ALDH1L2: variants seen among roughly 807,000 people sequenced by gnomAD.
ALDH1L2 encodes the protein aldehyde dehydrogenase 1 family member L2, also known as mitochondrial 10-formyltetrahydrofolate dehydrogenase.
Under a neutral mutation model 111.0 loss-of-function variants are expected in ALDH1L2, and 91 were observed. That is an observed-to-expected ratio of 0.82 (90% CI 0.69 to 0.98). ALDH1L2 has a LOEUF of 0.98. Among genes scored for constraint, ALDH1L2 ranks in the 50% least tolerant of loss-of-function variants. ALDH1L2 has a pLI of 0.00. For missense variants in ALDH1L2, 995 were observed against 1,126.8 expected (o/e 0.88, Z 1.67); for synonymous variants, 374 against 392.6 (o/e 0.95, Z 0.56).
In ALDH1L2 at chr12:105,025,806, T is replaced by C. The variant is rs531877515; in HGVS notation, c.2716+739A>G. On this transcript the variant is annotated intron_variant, in intron 22 of 22. Coordinates refer to ENST00000258494, the MANE Select transcript of ALDH1L2 (RefSeq NM_001034173.4). ...AGCCAGACCGCCTGCCTTTGAATTC[T>C]CTCTTGCCAGTGCCTGGCTCTGTGA... Among the ~76,000 whole-genome samples, 3 of 152,350 alleles carry C rather than the reference T, an allele frequency of 2.0e-5. No homozygotes were observed. The South Asian group carries it at 6.2e-4, about 32-fold the overall frequency.
At chr12:105,056,232 A>G (rs10861333) in intron 10 of ALDH1L2, among the ~76,000 whole-genome samples, 59,646 of 151,890 alleles carry the variant, frequency 0.39, 12,929 homozygotes, top group Middle Eastern at 0.61. Context: ...AGAAACCATG[A>G]AGGCCAGAAG....
At chr12:105,077,058 GAAA>G (rs1878087179) in intron 1 of ALDH1L2, among the ~76,000 whole-genome samples, 1 of 152,110 alleles carries the variant, frequency 6.6e-6, no homozygotes, top group Admixed American at 6.5e-5. Flanking sequence ...TTTAGAAAAA[GAAA>G]AACATAGCAA....
In ALDH1L2 at chr12:105,034,721, C is replaced by T. The variant is rs185516985; in HGVS notation, c.2146-323G>A. On this transcript the variant is annotated intron_variant, in intron 18 of 22. Transcript: ENST00000258494. Reference sequence around the variant, plus strand: ...AAAATCTAGGCTGGGCGTGGTGGCTCACGCTTGTAATCCCAGAACTTTGGG... The same window carrying T: ...AAAATCTAGGCTGGGCGTGGTGGCTTACGCTTGTAATCCCAGAACTTTGGG... Among the ~76,000 whole-genome samples, 519 of 152,208 alleles carry T rather than the reference C, an allele frequency of 3.4e-3. 6 individuals are homozygous for T. Among genetic ancestry groups the T allele is most frequent in the African/African-American group, 0.012 (500 of 41,522 alleles).
intron 12 of ALDH1L2, among the ~76,000 whole-genome samples, chr12:105,050,864 A>C (rs912321168): frequency 6.6e-6 from 1 of 152,046 alleles, no homozygotes; most frequent in African/African-American, 2.4e-5. Context: ...TGATTCAGTG[A>C]CCTCCCACTG....
chr12:105,034,161 A>G (rs929361827), intron 19 of ALDH1L2, 139 bp downstream of exon 19: 1 of 754,420 alleles, frequency 1.3e-6, no homozygotes, highest in African/African-American at 1.8e-5. Flanking sequence ...CTATAAAAAA[A>G]CTAGGGACTG....
rs759035633 is a variant in ALDH1L2, at chr12:105,058,057, T to C, written c.1287+16A>G. On this transcript the variant is annotated intron_variant, in intron 10 of 22. Coordinates refer to ENST00000258494, the MANE Select transcript of ALDH1L2 (RefSeq NM_001034173.4). ...ATCTCACTGATTTAGGGTTGCAACA[T>C]CAAGGAAAAGCTTACATAATCTACA... The C allele has an allele frequency of 1.9e-6, 3 of 1,607,692 alleles. No homozygotes were observed. The highest frequency in any genetic ancestry group is 2.5e-6 in the Non-Finnish European group (3 of 1,177,694).
chr12:105,061,544 T>G (rs555867122), intron 8 of ALDH1L2, 83 bp downstream of exon 8: 1 of 1,555,908 alleles, frequency 6.4e-7, no homozygotes, highest in African/African-American at 1.4e-5. Flanking sequence ...CTGATCCCAC[T>G]ACTTTGAGGA....
At chr12:105,024,620 G>T (rs1445053919) in intron 22 of ALDH1L2, 141 bp from the exon 23 acceptor site, 10 of 786,994 alleles carry the variant, frequency 1.3e-5, no homozygotes, top group African/African-American at 1.2e-4. Flanking sequence ...CTCACACTTT[G>T]AAGTTCATAC....
At chr12:105,072,453 C>T (rs1003391195) in intron 2 of ALDH1L2, 2 of 151,988 alleles carry the variant, frequency 1.3e-5, no homozygotes, top group Non-Finnish European at 2.9e-5. Context: ...CCAGCCATCA[C>T]GATTAGCCCC....
In ALDH1L2 at chr12:105,030,310, T is replaced by G. The variant is rs749151900; in HGVS notation, c.2516+14A>C. 5.0e-6 allele frequency: 8 copies of G among 1,602,982 alleles called. No homozygotes were observed. Among genetic ancestry groups the G allele is most frequent in the Non-Finnish European group, 8.5e-7 (1 of 1,174,064 alleles). ...TAGTCAAAACCTAAGTTACATTGTG[T>G]CTGAAGAACCTACCCATTTTGGAAT... On this transcript the variant is annotated intron_variant, in intron 21 of 22. Transcript: ENST00000258494.
intron 1 of ALDH1L2, among the ~76,000 whole-genome samples, chr12:105,078,002 C>T (rs1197420584): frequency 6.6e-6 from 1 of 152,166 alleles, no homozygotes; most frequent in Non-Finnish European, 1.5e-5. Context: ...CAGAGTGCCC[C>T]AAACTGTGCC....
chr12:105,075,419 T>C (rs1236490045), intron 1 of ALDH1L2, among the ~76,000 whole-genome samples: 1 of 152,162 alleles, frequency 6.6e-6, no homozygotes, highest in Non-Finnish European at 1.5e-5. Flanking sequence ...ACCCTGTCTC[T>C]ACTAAAAATA....
In ALDH1L2 at chr12:105,052,133, A is replaced by G. The variant is rs2136077175; in HGVS notation, c.1492T>C (p.Trp498Arg). The part of the protein sequence containing the change: ...AAKDAFENGE[W>R]GRMNARERGR... ...CTTTCTCTTGCATTCATTCTTCCCC[A>G]TTCACCGTTTTCAAAAGCATCTTTT... The change falls in exon 12 of 23, where the codon TGG becomes CGG. Residue 498 changes from tryptophan to arginine, a missense_variant. Transcript: ENST00000258494. The G allele has an allele frequency of 1.2e-6, 2 of 1,611,642 alleles. No homozygotes were observed. Among genetic ancestry groups the G allele is most frequent in the Non-Finnish European group, 1.7e-6 (2 of 1,178,706 alleles).
chr12:105,072,494 C>G (rs1451241914), intron 2 of ALDH1L2: 1 of 151,982 alleles, frequency 6.6e-6, no homozygotes, highest in African/African-American at 2.4e-5. Flanking sequence ...ATCTGAGAGA[C>G]CAGCACAATA....
chr12:105,039,689 G>T, intron 17 of ALDH1L2, 24 bp downstream of exon 17: 1 of 1,600,518 alleles, frequency 6.2e-7, no homozygotes, highest in Non-Finnish European at 8.6e-7. Flanking sequence ...GATCTGCAGT[G>T]AATCAACATT....
At position 105,020,852 on chromosome 12, in the gene ALDH1L2, A is replaced by G. The variant is rs1041696839; in HGVS notation, c.*3572T>C. 2 of 152,198 alleles carry G rather than the reference A, an allele frequency of 1.3e-5. No homozygotes were observed. The highest frequency in any genetic ancestry group is 4.8e-5 in the African/African-American group (2 of 41,448). The allele number at this position is 152,198 out of a possible 1,614,324, so 9.4% of individuals were successfully genotyped here. A position where few individuals can be genotyped will look rare whatever the true frequency, so the allele number is the denominator to read the frequency against. Reference sequence around the variant, plus strand: ...TTCTGATGGCATGCATCTCTTCCCAAACTCTGTATTCAGTGAAGGCAAATT... The same window carrying G: ...TTCTGATGGCATGCATCTCTTCCCAGACTCTGTATTCAGTGAAGGCAAATT... On this transcript the variant is annotated 3_prime_UTR_variant, in exon 23 of 23. Transcript: ENST00000258494.
chr12:105,050,040 T>C lies in ALDH1L2; in HGVS notation c.1554A>G (p.Glu518=), dbSNP rs113419122. ...TAGTTGCCAGCTCTTCTTGGTTCTCTTCCAGTAGGTCTGCAAGTCTGTGTG... is the reference window on the plus strand; with the variant it reads ...TAGTTGCCAGCTCTTCTTGGTTCTCCTCCAGTAGGTCTGCAAGTCTGTGTG... ...RLMYRLADLL[E]ENQEELATIE... is the part of the protein sequence containing the mutation. The change falls in exon 13 of 23, where the codon GAA becomes GAG. Residue 518 remains glutamate (E), a synonymous_variant. Coordinates refer to ENST00000258494, the MANE Select transcript of ALDH1L2 (RefSeq NM_001034173.4). 6.2e-7 allele frequency: 1 copy of C among 1,602,932 alleles called. No homozygotes were observed. Among genetic ancestry groups the C allele is most frequent in the South Asian group, 1.1e-5 (1 of 88,626 alleles).
chr12:105,073,906 C>T lies in ALDH1L2; in HGVS notation c.148G>A (p.Gly50Arg), dbSNP rs1185336741. The T allele has an allele frequency of 8.1e-6, 13 of 1,614,038 alleles. No homozygotes were observed. The highest frequency in any genetic ancestry group is 9.3e-6 in the Non-Finnish European group (11 of 1,180,038). ...HLRKEGHRVV[G>R]VFTVPDKDGK... is the part of the protein sequence containing the mutation. ...TCCTTGTCTGGAACTGTGAACACCC[C>T]TACTACTCGGTGGCCCTCTTTGCGG... The change falls in exon 2 of 23, where the codon GGG becomes AGG. Residue 50 changes from glycine to arginine, a missense_variant. Gly to Arg is a moderately radical substitution (Grantham distance 125, BLOSUM62 -2). Transcript: ENST00000258494.
rs558529944 is a variant in ALDH1L2, at chr12:105,052,076, A to G, written c.1535+14T>C. 1.3e-6 allele frequency: 2 copies of G among 1,570,918 alleles called. No individual in the cohort carries two copies. The highest frequency in any genetic ancestry group is 2.8e-5 in the African/African-American group (2 of 72,354). On this transcript the variant is annotated intron_variant, in intron 12 of 22. Transcript: ENST00000258494. ...TACTTTTCTAAAAAATAAAAAAATA[A>G]AAAATAGAAATACCTATACATCAAT... is the stretch of plus-strand genomic sequence containing the variant.
Sources: gnomAD v4.1 joint callset for allele counts (sites outside exome capture counted in the v4.1 genomes callset) on GRCh38, gnomAD v4.1.1 for gene constraint, MANE v1.5 for transcripts, NCBI Gene and HGNC (gene_info 2026-07-23, HGNC 2026-07-21) for gene names.